BRCA2: variants seen among roughly 807,000 people sequenced by gnomAD.
BRCA2 encodes the protein breast cancer type 2 susceptibility protein.
In BRCA2, 203 loss-of-function variants were observed where a neutral mutation model predicts 276.7. The ratio of observed to expected loss-of-function variants is 0.73; its 90% CI spans 0.65 to 0.82. The LOEUF is 0.82. Ranked by LOEUF, BRCA2 falls within the 40% of genes least tolerant of loss-of-function variation. The pLI, the probability that BRCA2 is intolerant of heterozygous loss-of-function variation, is 0.00. For synonymous variants in BRCA2, 1,289 were observed against 1,338.4 expected (o/e 0.96, Z 0.81); for missense variants, 3,920 against 3,915.0 (o/e 1.00, Z -0.03).
chr13:32,348,687 A>T (rs1013770166), intron 13 of BRCA2, among the ~76,000 whole-genome samples: 2 of 152,160 alleles, frequency 1.3e-5, no homozygotes, highest in African/African-American at 4.8e-5. Context: ...ACAAATGCAT[A>T]CACCAAGAAG....
At chr13:32,351,600 G>A (rs2072651421) in intron 13 of BRCA2, among the ~76,000 whole-genome samples, 1 of 152,204 alleles carries the variant, frequency 6.6e-6, no homozygotes, top group Admixed American at 6.5e-5. Flanking sequence ...TAGAAGCTGT[G>A]TTGACAGAGC....
chr13:32,395,960 CTTTTTT>C (rs397838402), intron 25 of BRCA2: 42 of 78,732 alleles, frequency 5.3e-4, no homozygotes, highest in South Asian at 7.0e-4. Flanking sequence ...TTCTTTCTTT[CTTTTTT>C]TTTTTTTTTT....
chr13:32,367,579 A>AGATGGCTTG lies in BRCA2; in HGVS notation c.8332-2823_8332-2822insGATGGCTTG, dbSNP rs61340698. ...AGTACTTTGGGAGGCTGAGGTGGGCATACTCAGGAGTATGAGACCAGCCTG... is the reference window on the plus strand; with the variant it reads ...AGTACTTTGGGAGGCTGAGGTGGGCAGATGGCTTGTACTCAGGAGTATGAGACCAGCCTG... On this transcript the variant is annotated intron_variant, in intron 18 of 26. Transcript: ENST00000380152. 0.52 allele frequency among the ~76,000 whole-genome samples: 78,809 copies of AGATGGCTTG among 151,422 alleles called. 20,543 individuals carry two copies. Among genetic ancestry groups the AGATGGCTTG allele is most frequent in the East Asian group, 0.57 (2,904 of 5,102 alleles).
intron 3 of BRCA2, among the ~76,000 whole-genome samples, chr13:32,321,325 G>A (rs898833063): frequency 7.2e-5 from 11 of 152,124 alleles, no homozygotes; most frequent in East Asian, 1.9e-4. Flanking sequence ...ACTCAGTCTC[G>A]TAAGCACGTC....
chr13:32,324,311 G>A (rs571820246), intron 3 of BRCA2, among the ~76,000 whole-genome samples: 1 of 152,246 alleles, frequency 6.6e-6, no homozygotes, highest in South Asian at 2.1e-4. Context: ...AGCAAAGAAG[G>A]GGAAACAGCT....
intron 20 of BRCA2, among the ~76,000 whole-genome samples, chr13:32,372,261 C>T (rs537705979): frequency 3.3e-5 from 5 of 152,294 alleles, no homozygotes; most frequent in South Asian, 2.1e-4. Context: ...ACAGCACCTT[C>T]GCCAGGACTA....
At position 32,342,233 on chromosome 13, in the gene BRCA2, A is replaced by T. The variant is rs192828904; in HGVS notation, c.6841+1037A>T. Among the ~76,000 whole-genome samples, 6 of 149,438 alleles carry T rather than the reference A, an allele frequency of 4.0e-5. No homozygotes were observed. In the East Asian group the frequency reaches 1.2e-3, roughly 30 times the overall value. ...GGGTGCAGTGAGCTGACATCACACCACTGCTCTCCAGCCTGGGCAACAGAG... is the reference window on the plus strand; with the variant it reads ...GGGTGCAGTGAGCTGACATCACACCTCTGCTCTCCAGCCTGGGCAACAGAG... On this transcript the variant is annotated intron_variant, in intron 11 of 26. Coordinates refer to ENST00000380152, the MANE Select transcript of BRCA2 (RefSeq NM_000059.4).
intron 18 of BRCA2, 51 bp from the exon 19 acceptor site, chr13:32,370,351 A>C: frequency 6.6e-7 from 1 of 1,520,164 alleles, no homozygotes. Flanking sequence ...TCTGTAATAG[A>C]ATTGAATACA....
intron 10 of BRCA2, among the ~76,000 whole-genome samples, chr13:32,334,294 C>T (rs1416326627): frequency 6.6e-6 from 1 of 152,086 alleles, no homozygotes; most frequent in Non-Finnish European, 1.5e-5. Flanking sequence ...CTAATTCCTG[C>T]TTTAATTTAA....
rs551834979 is a variant in BRCA2, at chr13:32,357,756, C to G, written c.7632C>G (p.Gly2544=). Residue 2544 remains glycine (G), a synonymous_variant, in exon 16 of 27, where the codon GGC becomes GGG. Coordinates refer to ENST00000380152, the MANE Select transcript of BRCA2 (RefSeq NM_000059.4). The part of the protein sequence containing the change: ...ACSHKQLYTY[G]VSKHCIKINS... Reference sequence around the variant, plus strand: ...ATTTTGTGTAGCTGTATACGTATGGCGTTTCTAAACATTGCATAAAAATTA... The same window carrying G: ...ATTTTGTGTAGCTGTATACGTATGGGGTTTCTAAACATTGCATAAAAATTA... 3.1e-6 allele frequency: 5 copies of G among 1,612,388 alleles called. No individual in the cohort carries two copies. The highest frequency in any genetic ancestry group is 3.4e-6 in the Non-Finnish European group (4 of 1,178,764).
chr13:32,386,711 T>C (rs1462555056), intron 24 of BRCA2, among the ~76,000 whole-genome samples: 2 of 152,062 alleles, frequency 1.3e-5, no homozygotes, highest in Non-Finnish European at 1.5e-5. Flanking sequence ...GATTAATTTC[T>C]CCCCCCCTTA....
At chr13:32,374,768 C>T (rs1034359134) in intron 20 of BRCA2, among the ~76,000 whole-genome samples, 24 of 152,210 alleles carry the variant, frequency 1.6e-4, no homozygotes, top group African/African-American at 5.8e-4. Flanking sequence ...TTCCTGTCTT[C>T]TTCTGAGCCC....
At chr13:32,360,855 C>T (rs532294550) in intron 16 of BRCA2, among the ~76,000 whole-genome samples, 2 of 152,082 alleles carry the variant, frequency 1.3e-5, no homozygotes, top group South Asian at 2.1e-4. Flanking sequence ...AGGAGTTGCT[C>T]AAGGATTAGA....
At chr13:32,382,264 G>A (rs765198847) in intron 24 of BRCA2, among the ~76,000 whole-genome samples, 1 of 152,190 alleles carries the variant, frequency 6.6e-6, no homozygotes, top group African/African-American at 2.4e-5. Context: ...TCATACAGGG[G>A]ACATTTAAAG....
At chr13:32,352,647 G>A (rs557618083) in intron 13 of BRCA2, among the ~76,000 whole-genome samples, 2 of 152,276 alleles carry the variant, frequency 1.3e-5, no homozygotes, top group South Asian at 4.1e-4. Context: ...AAGAAATGGG[G>A]AGGTTAGGAC....
intron 3 of BRCA2, among the ~76,000 whole-genome samples, chr13:32,324,108 G>A (rs2072326529): frequency 2.0e-5 from 3 of 152,196 alleles, no homozygotes; most frequent in Admixed American, 6.5e-5. Flanking sequence ...TAGGGATACA[G>A]TGACAAATAA....
At chr13:32,323,627 G>A (rs2072322752) in intron 3 of BRCA2, among the ~76,000 whole-genome samples, 3 of 152,160 alleles carry the variant, frequency 2.0e-5, no homozygotes, top group African/African-American at 7.2e-5. Flanking sequence ...TGAAAAATGA[G>A]ACTATAATGA....
In BRCA2 at chr13:32,337,680, G is replaced by T. The variant is rs752886421; in HGVS notation, c.3325G>T (p.Ala1109Ser). 6.3e-7 allele frequency: 1 copy of T among 1,598,838 alleles called. No individual in the cohort carries two copies. Among genetic ancestry groups the T allele is most frequent in the South Asian group, 1.1e-5 (1 of 87,968 alleles). ...CCATAATTTAACACCTAGCCAAAAG[G>T]CAGAAATTACAGAACTTTCTACTAT... Reference protein sequence around the residue: ...SNHNLTPSQKAEITELSTILE... With the variant: ...SNHNLTPSQKSEITELSTILE... The change falls in exon 11 of 27, where the codon GCA (alanine) becomes TCA (serine). Residue 1109 changes from alanine (A) to serine (S), a missense_variant. By Grantham distance (99) the Ala-to-Ser change is moderately conservative. Around this residue, in one of 2 missense-constraint regions of BRCA2, gnomAD observed 3,263 missense variants for 3,156.9 expected, o/e 1.03. Coordinates refer to ENST00000380152, the MANE Select transcript of BRCA2 (RefSeq NM_000059.4).
rs398122732 is a variant in BRCA2, at chr13:32,333,283, G to T, written c.1805G>T (p.Gly602Val). Residue 602 changes from glycine to valine, a missense_variant, in exon 10 of 27, where the codon GGA becomes GTA. Gly to Val is a moderately radical substitution (Grantham distance 109, BLOSUM62 -3). This residue lies in a region of BRCA2 where 3,263 missense variants were observed against 3,156.9 expected (regional missense o/e 1.03). Transcript: ENST00000380152. ...YAIHDETSYKGKKIPKDQKSE... is the reference protein window; with the variant it reads ...YAIHDETSYKVKKIPKDQKSE... ...ATACATGATGAAACATCTTATAAAG[G>T]AAAAAAAATACCGAAAGACCAAAAA... is the stretch of plus-strand genomic sequence containing the variant. The T allele has an allele frequency of 1.9e-6, 3 of 1,601,338 alleles. No homozygotes were observed. The Admixed American group carries it at 5.3e-5, about 28-fold the overall frequency.
Sources: allele counts gnomAD v4.1 joint callset (sites outside exome capture counted in the v4.1 genomes callset), GRCh38; gene constraint gnomAD v4.1.1; regional missense constraint gnomAD v4.1.1; transcripts MANE v1.5; gene names NCBI Gene and HGNC (gene_info 2026-07-23, HGNC 2026-07-21).